Variants in CATSPERB observed in about 807,000 individuals in gnomAD.
CATSPERB encodes the protein catsper channel auxiliary subunit beta.
A neutral mutation model predicts 128.3 loss-of-function variants in CATSPERB; 93 were observed. The observed-to-expected ratio is 0.72, with a 90% CI of 0.61 to 0.86. The LOEUF (loss-of-function observed/expected upper bound fraction) is 0.86. Among genes scored for constraint, CATSPERB ranks in the 40% least tolerant of loss-of-function variants. The pLI, the probability that CATSPERB is intolerant of heterozygous loss-of-function variation, is 0.00. For synonymous variants in CATSPERB, 381 were observed against 448.8 expected, an observed-to-expected ratio of 0.85 and a Z score of 1.91; for missense variants, 1,153 against 1,329.5, an observed-to-expected ratio of 0.87 and a Z score of 2.06.
At chr14:91,668,208 G>A (rs1334671221) in intron 14 of CATSPERB, among the ~76,000 whole-genome samples, 7 of 151,688 alleles carry the variant, frequency 4.6e-5, no homozygotes, top group South Asian at 2.1e-4. Context: ...TTCCTGGGTC[G>A]AGTAGGGACT....
intron 10 of CATSPERB, among the ~76,000 whole-genome samples, chr14:91,684,712 T>C (rs1164253794): frequency 1.3e-5 from 2 of 151,568 alleles, no homozygotes; most frequent in Non-Finnish European, 2.9e-5. Flanking sequence ...CCTCTCAGGT[T>C]CAAGTGATTC....
intron 17 of CATSPERB, among the ~76,000 whole-genome samples, chr14:91,628,202 G>C (rs1894204970): frequency 6.6e-6 from 1 of 152,088 alleles, no homozygotes. Context: ...GACTAGGCTT[G>C]AACTTGAGAT....
At chr14:91,618,195 T>C (rs1893981210) in intron 19 of CATSPERB, among the ~76,000 whole-genome samples, 1 of 152,212 alleles carries the variant, frequency 6.6e-6, no homozygotes, top group Non-Finnish European at 1.5e-5. Context: ...GGTGGGAGTG[T>C]AGCACTGAGG....
chr14:91,650,264 G>A (rs1464985466), intron 15 of CATSPERB, among the ~76,000 whole-genome samples: 7 of 151,802 alleles, frequency 4.6e-5, no homozygotes, highest in South Asian at 2.1e-4. Flanking sequence ...AATACATGTT[G>A]AGTTTTATTG....
intron 15 of CATSPERB, among the ~76,000 whole-genome samples, chr14:91,653,515 C>T (rs528460251): frequency 1.3e-5 from 2 of 152,072 alleles, no homozygotes; most frequent in South Asian, 4.3e-4. Context: ...TTTAATTAGA[C>T]TTACAGTTCC....
rs948880319 is a variant in CATSPERB, at chr14:91,594,443, G to A, written c.2710-2441C>T. Among the ~76,000 whole-genome samples the A allele has an allele frequency of 3.9e-4, 59 of 151,142 alleles. 1 individual carries two copies. The highest frequency in any genetic ancestry group is 7.8e-4 in the East Asian group (4 of 5,128). On this transcript the variant is annotated intron_variant, in intron 22 of 26. Transcript: ENST00000256343. ...GTATACATATGTGACAAACCTGCACGTTGTGCACATGTACCCTAAAACTTA... is the reference window on the plus strand; with the variant it reads ...GTATACATATGTGACAAACCTGCACATTGTGCACATGTACCCTAAAACTTA...
intron 6 of CATSPERB, among the ~76,000 whole-genome samples, chr14:91,706,429 C>A (rs539708804): frequency 1.3e-5 from 2 of 152,234 alleles, no homozygotes; most frequent in African/African-American, 4.8e-5. Context: ...ATACAAGTTC[C>A]TGAAGTCAGG....
chr14:91,593,698 CT>C (rs925980374), intron 22 of CATSPERB, among the ~76,000 whole-genome samples: 2 of 152,016 alleles, frequency 1.3e-5, no homozygotes, highest in Non-Finnish European at 2.9e-5. Flanking sequence ...GTAATGTGGA[CT>C]TTTGGGTTAA....
intron 11 of CATSPERB, among the ~76,000 whole-genome samples, chr14:91,682,369 T>A (rs886537600): frequency 1.3e-5 from 2 of 152,116 alleles, no homozygotes; most frequent in Non-Finnish European, 2.9e-5. Context: ...ATACAGGTAA[T>A]AGGTCAAGCA....
At chr14:91,705,012 T>C (rs1210966624) in intron 6 of CATSPERB, among the ~76,000 whole-genome samples, 1 of 152,180 alleles carries the variant, frequency 6.6e-6, no homozygotes, top group Non-Finnish European at 1.5e-5. Flanking sequence ...AGAAATGGAA[T>C]TGCTGGATCA....
chr14:91,710,856 G>T (rs1247405157), intron 5 of CATSPERB, among the ~76,000 whole-genome samples: 1 of 152,042 alleles, frequency 6.6e-6, no homozygotes, highest in Non-Finnish European at 1.5e-5. Context: ...ACCATATCTT[G>T]CTGTGGTGTG....
At chr14:91,711,918 C>A (rs1259880830) in intron 5 of CATSPERB, among the ~76,000 whole-genome samples, 3 of 152,140 alleles carry the variant, frequency 2.0e-5, no homozygotes, top group Non-Finnish European at 4.4e-5. Context: ...AACAGAAAGA[C>A]ATCTGAAAAA....
At chr14:91,705,697 C>G (rs570652591) in intron 6 of CATSPERB, among the ~76,000 whole-genome samples, 1 of 152,122 alleles carries the variant, frequency 6.6e-6, no homozygotes, top group Non-Finnish European at 1.5e-5. Context: ...CTTTGGGAAG[C>G]CTTCCATGAC....
intron 21 of CATSPERB, among the ~76,000 whole-genome samples, chr14:91,609,111 C>T (rs2139775713): frequency 6.6e-6 from 1 of 152,106 alleles, no homozygotes. Context: ...AACTTTACAT[C>T]ATCTGTTTAC....
chr14:91,617,078 A>C (rs1893953383), intron 20 of CATSPERB, among the ~76,000 whole-genome samples: 1 of 152,168 alleles, frequency 6.6e-6, no homozygotes, highest in Non-Finnish European at 1.5e-5. Context: ...TGAAGGAAGA[A>C]ATGTAATTAA....
intron 26 of CATSPERB, among the ~76,000 whole-genome samples, chr14:91,586,429 C>G (rs971992696): frequency 1.3e-5 from 2 of 152,046 alleles, no homozygotes; most frequent in Non-Finnish European, 2.9e-5. Context: ...GTTTCTTTAT[C>G]TAGTGGGTTG....
At chr14:91,595,093 G>C (rs1893480053) in intron 22 of CATSPERB, among the ~76,000 whole-genome samples, 1 of 151,888 alleles carries the variant, frequency 6.6e-6, no homozygotes. Context: ...CTAACAACAG[G>C]TCTACTGTAG....
intron 14 of CATSPERB, among the ~76,000 whole-genome samples, chr14:91,667,487 C>T (rs1029893407): frequency 1.3e-5 from 2 of 152,174 alleles, no homozygotes; most frequent in African/African-American, 2.4e-5. Context: ...GTACCCTATT[C>T]CTTTAAAAGG....
At chr14:91,698,315 T>C (rs901684764) in intron 7 of CATSPERB, among the ~76,000 whole-genome samples, 4 of 152,206 alleles carry the variant, frequency 2.6e-5, no homozygotes, top group African/African-American at 9.6e-5. Flanking sequence ...AAAATCATAT[T>C]GTCGGCAAAG....
Sources: gnomAD v4.1 joint callset for allele counts (sites outside exome capture counted in the v4.1 genomes callset) on GRCh38, gnomAD v4.1.1 for gene constraint, MANE v1.5 for transcripts, NCBI Gene and HGNC (gene_info 2026-07-23, HGNC 2026-07-21) for gene names.